CADM2: variants seen among roughly 807,000 people sequenced by gnomAD.
CADM2 encodes immunoglobulin superfamily member 4D.
In CADM2, 12 loss-of-function variants were observed where a neutral mutation model predicts 49.8. That is an observed-to-expected ratio of 0.24 (90% confidence interval 0.15 to 0.39). The LOEUF (loss-of-function observed/expected upper bound fraction) is 0.39, where lower values mean the gene tolerates loss of function less well. CADM2 is among the 10% of genes least tolerant of loss of function. The probability of loss-of-function intolerance (pLI) is 1.00; values close to 1 mark genes in which losing one functional copy is unlikely to be tolerated. For missense variants in CADM2, 378 were observed against 492.3 expected, an observed-to-expected ratio of 0.77 and a Z score of 2.20; for synonymous variants, 214 against 175.4, an observed-to-expected ratio of 1.22 and a Z score of -1.74.
chr3:86,064,035 TC>T (rs1342303142), intron 8 of CADM2, among the ~76,000 whole-genome samples: 1 of 151,628 alleles, frequency 6.6e-6, no homozygotes, highest in African/African-American at 2.4e-5. Context: ...CCTTTTCACT[TC>T]TTTTTTTTTA....
intron 8 of CADM2, among the ~76,000 whole-genome samples, chr3:86,024,640 AC>A (rs1214108925): frequency 6.6e-6 from 1 of 152,152 alleles, no homozygotes; most frequent in Non-Finnish European, 1.5e-5. Flanking sequence ...AACAATAAAA[AC>A]AAATTTGGCT....
At chr3:86,056,734 A>T (rs1559829451) in intron 8 of CADM2, among the ~76,000 whole-genome samples, 1 of 152,238 alleles carries the variant, frequency 6.6e-6, no homozygotes, top group African/African-American at 2.4e-5. Flanking sequence ...CAGCCTTGGA[A>T]CACTAAAAAC....
At chr3:85,709,778 G>A (rs1248694336) in intron 1 of CADM2, among the ~76,000 whole-genome samples, 2 of 152,064 alleles carry the variant, frequency 1.3e-5, no homozygotes, top group Non-Finnish European at 2.9e-5. Flanking sequence ...CCTTAAAAAA[G>A]AAGAGGCTAT....
intron 1 of CADM2, among the ~76,000 whole-genome samples, chr3:85,652,670 G>A (rs1256091731): frequency 6.6e-6 from 1 of 151,534 alleles, no homozygotes; most frequent in Non-Finnish European, 1.5e-5. Flanking sequence ...GGAAAGAAAT[G>A]GAAAATGAAG....
intron 1 of CADM2, among the ~76,000 whole-genome samples, chr3:85,675,579 A>G (rs2065867459): frequency 6.6e-6 from 1 of 152,180 alleles, no homozygotes; most frequent in Non-Finnish European, 1.5e-5. Context: ...ACACCCCGAT[A>G]GAATTCTAGA....
At chr3:85,400,797 T>A (rs1470275093) in intron 1 of CADM2, among the ~76,000 whole-genome samples, 1 of 152,192 alleles carries the variant, frequency 6.6e-6, no homozygotes, top group Non-Finnish European at 1.5e-5. Flanking sequence ...GAGGGTTTCC[T>A]TGGAGCAGTG....
At chr3:85,805,456 A>G (rs1335259764) in intron 3 of CADM2, 3 of 152,022 alleles carry the variant, frequency 2.0e-5, no homozygotes, top group Admixed American at 6.6e-5. Flanking sequence ...TAACATACCT[A>G]TTCCCTCATA....
At chr3:85,299,735 C>A (rs2044049105) in intron 1 of CADM2, among the ~76,000 whole-genome samples, 1 of 151,878 alleles carries the variant, frequency 6.6e-6, no homozygotes, top group African/African-American at 2.4e-5. Flanking sequence ...TTTCTCTTAT[C>A]TATATTATTG....
At chr3:85,528,890 C>A (rs1469445726) in intron 1 of CADM2, among the ~76,000 whole-genome samples, 1 of 152,110 alleles carries the variant, frequency 6.6e-6, no homozygotes, top group Non-Finnish European at 1.5e-5. Context: ...TAACCGTGAT[C>A]ATAAATAATA....
intron 1 of CADM2, among the ~76,000 whole-genome samples, chr3:85,079,199 C>T (rs2037064302): frequency 6.6e-6 from 1 of 151,660 alleles, no homozygotes. Context: ...ACATATAAAA[C>T]ATTCATAATG....
chr3:86,066,520 A>G (rs1268953291), intron 9 of CADM2, 145 bp from the exon 10 acceptor site: 6 of 648,818 alleles, frequency 9.2e-6, no homozygotes, highest in Non-Finnish European at 1.6e-5. Flanking sequence ...ACTGTAAGAA[A>G]ACAGTGCAAC....
chr3:85,376,179 CTG>C (rs148897948), intron 1 of CADM2, among the ~76,000 whole-genome samples: 5,899 of 152,132 alleles, frequency 0.039, 385 homozygotes, highest in African/African-American at 0.13. Context: ...AAAAGGCAAA[CTG>C]TGTTTTGTCA....
chr3:85,186,018 T>G (rs540014368), intron 1 of CADM2, among the ~76,000 whole-genome samples: 1 of 152,316 alleles, frequency 6.6e-6, no homozygotes, highest in East Asian at 1.9e-4. Flanking sequence ...GGTCCTGCCA[T>G]GGTAAGGCAG....
intron 1 of CADM2, among the ~76,000 whole-genome samples, chr3:85,522,413 G>A (rs968686588): frequency 1.3e-5 from 2 of 151,990 alleles, no homozygotes; most frequent in African/African-American, 2.4e-5. Flanking sequence ...CCACAAAGTC[G>A]ATGTAAGATA....
chr3:85,708,682 C>T (rs1334996177), intron 1 of CADM2, among the ~76,000 whole-genome samples: 1 of 151,970 alleles, frequency 6.6e-6, no homozygotes, highest in East Asian at 1.9e-4. Flanking sequence ...ACAAATTAAC[C>T]AAAGCCTATT....
intron 1 of CADM2, among the ~76,000 whole-genome samples, chr3:85,086,473 A>G (rs1034823148): frequency 9.4e-5 from 14 of 149,414 alleles, no homozygotes; most frequent in African/African-American, 3.2e-4. Flanking sequence ...ATAGATTTAG[A>G]TCTCCTAATG....
At chr3:85,055,858 G>A (rs2036061278) in intron 1 of CADM2, among the ~76,000 whole-genome samples, 1 of 151,940 alleles carries the variant, frequency 6.6e-6, no homozygotes, top group African/African-American at 2.4e-5. Context: ...CAGAGCTACT[G>A]AATTGGAAGC....
chr3:85,773,640 C>T (rs1475469514), intron 2 of CADM2, among the ~76,000 whole-genome samples: 1 of 151,954 alleles, frequency 6.6e-6, no homozygotes, highest in Admixed American at 6.6e-5. Flanking sequence ...CTTTCAGGCA[C>T]ATTTACATCT....
intron 8 of CADM2, among the ~76,000 whole-genome samples, chr3:85,988,778 C>A (rs1728422588): frequency 6.6e-6 from 1 of 152,106 alleles, no homozygotes; most frequent in Non-Finnish European, 1.5e-5. Flanking sequence ...TTTAGGTCCA[C>A]TTATTTTTCA....
Sources: gnomAD v4.1 joint callset for allele counts (sites outside exome capture counted in the v4.1 genomes callset) on GRCh38, gnomAD v4.1.1 for gene constraint, MANE v1.5 for transcripts, NCBI Gene and HGNC (gene_info 2026-07-23, HGNC 2026-07-21) for gene names.